Variants in DIP2B observed in about 807,000 individuals in gnomAD.
The protein encoded by DIP2B is DIP2 acetate--CoA ligase B (putative).
A neutral mutation model predicts 198.0 loss-of-function variants in DIP2B; 76 were observed. That is an observed-to-expected ratio of 0.38 (90% confidence interval 0.32 to 0.46). DIP2B has a LOEUF of 0.46. Ranked by LOEUF, DIP2B falls within the 20% of genes least tolerant of loss-of-function variation. The pLI is 0.99. For synonymous variants in DIP2B, 701 were observed against 739.1 expected, an observed-to-expected ratio of 0.95 and a Z score of 0.84; for missense variants, 1,559 against 1,978.4, an observed-to-expected ratio of 0.79 and a Z score of 4.02.
At chr12:50,661,617 G>T (rs1427469309) in intron 4 of DIP2B, among the ~76,000 whole-genome samples, 1 of 152,172 alleles carries the variant, frequency 6.6e-6, no homozygotes, top group African/African-American at 2.4e-5. Context: ...CTATAATGGT[G>T]CATACCTCAA....
At chr12:50,733,628 C>G (rs985294930) in intron 32 of DIP2B, among the ~76,000 whole-genome samples, 4 of 152,130 alleles carry the variant, frequency 2.6e-5, no homozygotes, top group Non-Finnish European at 4.4e-5. Flanking sequence ...TGCTTGAGCC[C>G]AGGAGGTTGA....
At chr12:50,512,054 G>A (rs1958022361) in intron 1 of DIP2B, among the ~76,000 whole-genome samples, 2 of 150,236 alleles carry the variant, frequency 1.3e-5, no homozygotes, top group African/African-American at 4.9e-5. Context: ...CCAAAGTGCT[G>A]AGATTATAGG....
At chr12:50,740,034 CACA>C (rs1429811960) in intron 36 of DIP2B, among the ~76,000 whole-genome samples, 1 of 152,212 alleles carries the variant, frequency 6.6e-6, no homozygotes, top group Non-Finnish European at 1.5e-5. Context: ...TTGCGTTGGA[CACA>C]GCCTGCTTCC....
At chr12:50,573,157 C>T (rs1318667140) in intron 1 of DIP2B, among the ~76,000 whole-genome samples, 1 of 152,144 alleles carries the variant, frequency 6.6e-6, no homozygotes, top group Non-Finnish European at 1.5e-5. Flanking sequence ...GGTCATAATC[C>T]AGAAGAGGTA....
intron 29 of DIP2B, 122 bp downstream of exon 29, chr12:50,727,934 A>G: frequency 1.4e-6 from 1 of 736,654 alleles, no homozygotes; most frequent in Non-Finnish European, 2.3e-6. Context: ...GTGAAGATCT[A>G]AGTCGCTGCT....
At chr12:50,710,448 A>G (rs1939595521) in intron 22 of DIP2B, among the ~76,000 whole-genome samples, 1 of 149,900 alleles carries the variant, frequency 6.7e-6, no homozygotes, top group Admixed American at 6.7e-5. Flanking sequence ...TTTGAGATGG[A>G]GTTTCTCTCC....
intron 1 of DIP2B, among the ~76,000 whole-genome samples, chr12:50,581,749 A>G (rs890719407): frequency 7.9e-5 from 12 of 152,144 alleles, no homozygotes; most frequent in Non-Finnish European, 1.2e-4. Flanking sequence ...TGACTCAGGC[A>G]TGGTTTGCTT....
At chr12:50,674,762 G>A in intron 6 of DIP2B, 133 bp downstream of exon 6, 2 of 1,096,482 alleles carry the variant, frequency 1.8e-6, no homozygotes, top group South Asian at 1.6e-5. Context: ...AACTAATCCT[G>A]GGTACCTTTT....
chr12:50,513,533 C>T (rs1220473603), intron 1 of DIP2B, among the ~76,000 whole-genome samples: 1 of 152,190 alleles, frequency 6.6e-6, no homozygotes, highest in Admixed American at 6.5e-5. Flanking sequence ...CGTTTCATAT[C>T]CCTCACTTGT....
intron 3 of DIP2B, among the ~76,000 whole-genome samples, chr12:50,646,801 C>T (rs1434209234): frequency 6.6e-6 from 1 of 152,060 alleles, no homozygotes; most frequent in Non-Finnish European, 1.5e-5. Flanking sequence ...AGTACTAACT[C>T]GCTTTGCCAC....
chr12:50,557,415 A>T, intron 1 of DIP2B, among the ~76,000 whole-genome samples: 1 of 152,154 alleles, frequency 6.6e-6, no homozygotes, highest in African/African-American at 2.4e-5. Context: ...GGCTTGGATG[A>T]TCTCTCCACT....
At chr12:50,670,271 T>C (rs1274915383) in intron 4 of DIP2B, among the ~76,000 whole-genome samples, 5 of 152,000 alleles carry the variant, frequency 3.3e-5, no homozygotes, top group African/African-American at 1.2e-4. Flanking sequence ...ATGCTGTGCC[T>C]TCTCCTGTCA....
chr12:50,667,520 T>A (rs1354743069), intron 4 of DIP2B, among the ~76,000 whole-genome samples: 1 of 152,212 alleles, frequency 6.6e-6, no homozygotes, highest in Non-Finnish European at 1.5e-5. Flanking sequence ...TTTTGATTTT[T>A]AAAAAGATAC....
Position 50,708,568 on chromosome 12 carries a change from C to T in DIP2B, c.2649+6C>T. 2 of 1,578,640 alleles carry T rather than the reference C, an allele frequency of 1.3e-6. No homozygotes were observed. The highest frequency in any genetic ancestry group is 1.7e-6 in the Non-Finnish European group (2 of 1,160,336). On this transcript the variant is annotated splice_donor_region_variant and intron_variant, in intron 22 of 37. Coordinates refer to ENST00000301180, the MANE Select transcript of DIP2B (RefSeq NM_173602.3). ...GGATGAGCCGCGTGCTGCAGGTGAGCACACTTTGGGGTCTGTGTCAGGTCA... is the reference window on the plus strand; with the variant it reads ...GGATGAGCCGCGTGCTGCAGGTGAGTACACTTTGGGGTCTGTGTCAGGTCA...
At chr12:50,603,754 T>C (rs1002032859) in intron 1 of DIP2B, among the ~76,000 whole-genome samples, 2 of 152,170 alleles carry the variant, frequency 1.3e-5, no homozygotes, top group Admixed American at 6.5e-5. Context: ...CATTTTGTGA[T>C]ATTTAGTGCA....
At chr12:50,569,733 A>G (rs1958596920) in intron 1 of DIP2B, among the ~76,000 whole-genome samples, 1 of 152,348 alleles carries the variant, frequency 6.6e-6, no homozygotes, top group East Asian at 1.9e-4. Flanking sequence ...TAAATAAACT[A>G]TAATGATTAT....
rs17124871 is a variant in DIP2B at position 50,680,909 on chromosome 12, G to A, written c.1206+146G>A. On this transcript the variant is annotated intron_variant, in intron 9 of 37. Coordinates refer to ENST00000301180, the MANE Select transcript of DIP2B (RefSeq NM_173602.3). ...AAAATAAAAATGGTTTGGTTCCAAC[G>A]CAGGTTAGCCCAATGCCAGATGACA... 12 of 814,484 alleles carry A rather than the reference G, an allele frequency of 1.5e-5. No individual in the cohort carries two copies. In the East Asian group the frequency reaches 1.5e-4, roughly 10 times the overall value. The allele number at this position is 814,484 out of a possible 1,614,324, so 50.5% of individuals were successfully genotyped here. A position where few individuals can be genotyped will look rare whatever the true frequency, so the allele number is the denominator to read the frequency against.
chr12:50,578,406 G>A (rs1958682540), intron 1 of DIP2B, among the ~76,000 whole-genome samples: 1 of 151,404 alleles, frequency 6.6e-6, no homozygotes, highest in Admixed American at 6.6e-5. Flanking sequence ...ATAGTTATAC[G>A]TACCTTCTAA....
intron 8 of DIP2B, chr12:50,680,259 T>TAAAAA (rs11394582): frequency 3.8e-5 from 4 of 106,190 alleles, no homozygotes; most frequent in Non-Finnish European, 5.4e-5. Context: ...GACTCTGTCT[T>TAAAAA]AAAAAAAAAA....
Sources: allele counts gnomAD v4.1 joint callset (sites outside exome capture counted in the v4.1 genomes callset), GRCh38; gene constraint gnomAD v4.1.1; transcripts MANE v1.5; gene names NCBI Gene and HGNC (gene_info 2026-07-23, HGNC 2026-07-21).